Variants in GRAP2 observed in about 807,000 individuals in gnomAD.
The protein encoded by GRAP2 is GRB2 related adaptor protein 2.
GRAP2 carries 31 observed loss-of-function variants against 43.5 expected under a neutral mutation model. The ratio of observed to expected loss-of-function variants is 0.71; its 90% CI spans 0.54 to 0.96. GRAP2 has a LOEUF of 0.96. GRAP2 is among the 40% of genes least tolerant of loss of function. The pLI, the probability that GRAP2 is intolerant of heterozygous loss-of-function variation, is 0.00. For synonymous variants in GRAP2, 156 were observed against 164.8 expected, an observed-to-expected ratio of 0.95 and a Z score of 0.41; for missense variants, 371 against 424.4, an observed-to-expected ratio of 0.87 and a Z score of 1.11.
chr22:39,933,562 C>T (rs2066776955), intron 1 of GRAP2, among the ~76,000 whole-genome samples: 2 of 151,966 alleles, frequency 1.3e-5, no homozygotes, highest in African/African-American at 2.4e-5. Flanking sequence ...GTGTCAAGGC[C>T]GGGTATGGTG....
chr22:39,942,874 C>T (rs763100217), intron 1 of GRAP2, among the ~76,000 whole-genome samples: 7 of 152,024 alleles, frequency 4.6e-5, no homozygotes, highest in Non-Finnish European at 8.8e-5. Flanking sequence ...GCAATGTTTC[C>T]CTCTCTTTTT....
At chr22:39,956,657 T>A (rs929548090) in intron 3 of GRAP2, among the ~76,000 whole-genome samples, 3 of 150,936 alleles carry the variant, frequency 2.0e-5, no homozygotes, top group Non-Finnish European at 1.5e-5. Context: ...TTAGTAGAGA[T>A]GGGGTTTCAC....
At chr22:39,920,943 GACACACACACACACACACACACAC>G (rs137974) in intron 1 of GRAP2, among the ~76,000 whole-genome samples, 3 of 142,488 alleles carry the variant, frequency 2.1e-5, no homozygotes, top group African/African-American at 5.1e-5. Flanking sequence ...TCTCTACACA[GACACACACACACACACACACACAC>G]ACACACACAC....
Position 39,918,066 on chromosome 22 carries a change from G to A in GRAP2, c.-15+16736G>A, listed in dbSNP as rs1569194908. ...CTGATTTTTCCTTGCAACAACAGATGTTACAGAGAATGAATATTCTGTAAG... is the reference window on the plus strand; with the variant it reads ...CTGATTTTTCCTTGCAACAACAGATATTACAGAGAATGAATATTCTGTAAG... On this transcript the variant is annotated intron_variant, in intron 1 of 7. Coordinates refer to ENST00000344138, the MANE Select transcript of GRAP2 (RefSeq NM_004810.4). Among the ~76,000 whole-genome samples the A allele has an allele frequency of 2.6e-5, 4 of 152,168 alleles. 1 individual carries two copies. Among genetic ancestry groups the A allele is most frequent in the Admixed American group, 2.0e-4 (3 of 15,282 alleles).
chr22:39,941,855 G>A (rs1175023347), intron 1 of GRAP2, among the ~76,000 whole-genome samples: 1 of 151,904 alleles, frequency 6.6e-6, no homozygotes, highest in Non-Finnish European at 1.5e-5. Context: ...ATATCAACAG[G>A]AGAGGTGTTT....
rs776811208 is a variant in GRAP2, at chr22:39,901,162, A to C, written c.-183A>C. On this transcript the variant is annotated 5_prime_UTR_variant, in exon 1 of 8. It removes the in-frame stop codon of an upstream open reading frame in the 5' UTR. Coordinates refer to ENST00000344138, the MANE Select transcript of GRAP2 (RefSeq NM_004810.4). The stretch of plus-strand genomic sequence containing the variant: ...GAGGAGGCACAGTTAATGGATCTGT[A>C]AACTTGCACCCTCTTTCAGAGTGGT... 1.1e-4 allele frequency: 61 copies of C among 532,344 alleles called. No individual in the cohort carries two copies. Among genetic ancestry groups the C allele is most frequent in the Non-Finnish European group, 2.0e-4 (60 of 300,702 alleles). 33.0% of individuals were successfully genotyped at this position (532,344 alleles called of 1,614,324 possible). A position where few individuals can be genotyped will look rare whatever the true frequency, so the allele number is the denominator to read the frequency against.
chr22:39,900,671 C>T (rs978762399), upstream of GRAP2, among the ~76,000 whole-genome samples: 2 of 152,140 alleles, frequency 1.3e-5, no homozygotes, highest in Non-Finnish European at 2.9e-5. Context: ...CATCCCAGCT[C>T]AGAATGTTTC....
At chr22:39,956,151 C>T (rs2145655270) in intron 3 of GRAP2, among the ~76,000 whole-genome samples, 1 of 150,060 alleles carries the variant, frequency 6.7e-6, no homozygotes, top group South Asian at 2.1e-4. Context: ...TTAAGTTGTT[C>T]TTAACTTTTT....
At chr22:39,899,810 C>T (rs2066481941), upstream of GRAP2, among the ~76,000 whole-genome samples, 1 of 152,102 alleles carries the variant, frequency 6.6e-6, no homozygotes, top group African/African-American at 2.4e-5. Context: ...TGGTGAAACC[C>T]CATCTCTACT....
At chr22:39,937,606 A>T (rs1203634579) in intron 1 of GRAP2, among the ~76,000 whole-genome samples, 1 of 152,228 alleles carries the variant, frequency 6.6e-6, no homozygotes. Flanking sequence ...CAGAATGCAA[A>T]AATGCTTTGA....
chr22:39,962,050 A>T (rs1164133018), intron 4 of GRAP2, among the ~76,000 whole-genome samples: 1 of 152,234 alleles, frequency 6.6e-6, no homozygotes, highest in Non-Finnish European at 1.5e-5. Context: ...GGTTAACTTT[A>T]GTTCAGGCCA....
At chr22:39,954,441 G>A (rs1019592910) in intron 2 of GRAP2, among the ~76,000 whole-genome samples, 1 of 152,112 alleles carries the variant, frequency 6.6e-6, no homozygotes, top group Non-Finnish European at 1.5e-5. Flanking sequence ...TGTTGCCCAG[G>A]CTGGAGTCCA....
At chr22:39,949,924 A>G (rs558023297) in intron 2 of GRAP2, among the ~76,000 whole-genome samples, 2 of 152,260 alleles carry the variant, frequency 1.3e-5, no homozygotes, top group East Asian at 1.9e-4. Context: ...TTCCAGACAA[A>G]TCAGATCATA....
chr22:39,971,308 C>A lies in GRAP2; in HGVS notation c.*224C>A, dbSNP rs1357987360. On this transcript the variant is annotated 3_prime_UTR_variant, in exon 8 of 8. Transcript: ENST00000344138. ...ATATTGACACTTGCTTTTCTGCCCC[C>A]CTCAGGGGTGTGTGGAAGGCAGTGG... 1 of 514,826 alleles carries A rather than the reference C, an allele frequency of 1.9e-6. No individual in the cohort carries two copies. The allele number at this position is 514,826 out of a possible 1,614,324, so 31.9% of individuals were successfully genotyped here. A position where few individuals can be genotyped will look rare whatever the true frequency, so the allele number is the denominator to read the frequency against.
intron 1 of GRAP2, among the ~76,000 whole-genome samples, chr22:39,944,476 C>A (rs1212765156): frequency 1.3e-5 from 2 of 152,122 alleles, no homozygotes; most frequent in Non-Finnish European, 2.9e-5. Flanking sequence ...TTTCATCTCA[C>A]AAATGGAAAT....
chr22:39,904,706 C>A (rs188385452), intron 1 of GRAP2, among the ~76,000 whole-genome samples: 1 of 152,284 alleles, frequency 6.6e-6, no homozygotes, highest in Non-Finnish European at 1.5e-5. Context: ...ATTTAACCTT[C>A]CCCATTTGTC....
rs774839339 is a variant in GRAP2, at chr22:39,968,068, G to A, written c.486G>A (p.Arg162=). The change falls in exon 6 of 8, where the codon CGG becomes CGA. Residue 162 remains arginine (R), a synonymous_variant. Coordinates refer to ENST00000344138, the MANE Select transcript of GRAP2 (RefSeq NM_004810.4). Reference sequence around the variant, plus strand: ...GTCACCGGGGCAACAGCCTGGACCGGAGGTCCCAGGGAGGCCCACACCTCA... The same window carrying A: ...GTCACCGGGGCAACAGCCTGGACCGAAGGTCCCAGGGAGGCCCACACCTCA... ...DQGHRGNSLD[R]RSQGGPHLSG... The A allele has an allele frequency of 1.2e-5, 20 of 1,612,332 alleles. No individual in the cohort carries two copies. The highest frequency in any genetic ancestry group is 1.6e-5 in the Non-Finnish European group (19 of 1,179,056).
chr22:39,964,903 A>G (rs1386284929), intron 4 of GRAP2, among the ~76,000 whole-genome samples: 1 of 152,164 alleles, frequency 6.6e-6, no homozygotes, highest in Non-Finnish European at 1.5e-5. Flanking sequence ...TTGAAAGAAA[A>G]AAGAAGTTAT....
At chr22:39,935,612 G>GCCCTC (rs1423591450) in intron 1 of GRAP2, among the ~76,000 whole-genome samples, 2 of 152,032 alleles carry the variant, frequency 1.3e-5, no homozygotes, top group African/African-American at 4.8e-5. Flanking sequence ...AAAATGTCAG[G>GCCCTC]CCCTCCCACT....
Sources: allele counts gnomAD v4.1 joint callset (sites outside exome capture counted in the v4.1 genomes callset), GRCh38; gene constraint gnomAD v4.1.1; transcripts MANE v1.5; gene names NCBI Gene and HGNC (gene_info 2026-07-23, HGNC 2026-07-21).